SPECC1: variants seen among roughly 807,000 people sequenced by gnomAD.
SPECC1 encodes cytospin-B.
SPECC1 carries 62 observed loss-of-function variants against 104.1 expected under a neutral mutation model. That is an observed-to-expected ratio of 0.60 (90% CI 0.49 to 0.74). The LOEUF (loss-of-function observed/expected upper bound fraction) is 0.74. Among genes scored for constraint, SPECC1 ranks in the 30% least tolerant of loss-of-function variants. The pLI is 0.00. For missense variants in SPECC1, 1,306 were observed against 1,310.5 expected (o/e 1.00, Z 0.05); for synonymous variants, 513 against 501.6 (o/e 1.02, Z -0.30).
chr17:20,045,025 C>G (rs2045483501), intron 1 of SPECC1, among the ~76,000 whole-genome samples: 1 of 152,186 alleles, frequency 6.6e-6, no homozygotes, highest in Non-Finnish European at 1.5e-5. Flanking sequence ...CCTGAATTTT[C>G]TTTTTCCAAA....
chr17:20,098,303 C>T (rs1320488640), intron 2 of SPECC1, among the ~76,000 whole-genome samples: 1 of 152,198 alleles, frequency 6.6e-6, no homozygotes, highest in East Asian at 1.9e-4. Flanking sequence ...TCTCATGTCT[C>T]ACAGTCCATC....
At chr17:20,296,835 A>T in intron 12 of SPECC1, 126 bp from the exon 13 acceptor site, 1 of 811,542 alleles carries the variant, frequency 1.2e-6, no homozygotes, top group Non-Finnish European at 2.0e-6. Context: ...TTATTGGTGT[A>T]TAGGAATGCT....
At chr17:20,014,969 G>A (rs2044063990) in intron 1 of SPECC1, among the ~76,000 whole-genome samples, 1 of 152,150 alleles carries the variant, frequency 6.6e-6, no homozygotes, top group Non-Finnish European at 1.5e-5. Context: ...TGGCCTGACT[G>A]ATCTCAAACT....
intron 4 of SPECC1, among the ~76,000 whole-genome samples, chr17:20,208,692 A>G (rs575344881): frequency 6.6e-6 from 1 of 152,342 alleles, no homozygotes; most frequent in South Asian, 2.1e-4. Context: ...CTGGTCTCGT[A>G]TCTAATTCCA....
intron 1 of SPECC1, among the ~76,000 whole-genome samples, chr17:20,021,396 G>A (rs751319710): frequency 6.6e-6 from 1 of 151,914 alleles, no homozygotes; most frequent in Non-Finnish European, 1.5e-5. Context: ...GGTGATTCTG[G>A]TCTTAATATC....
intron 1 of SPECC1, among the ~76,000 whole-genome samples, chr17:20,084,388 C>CGT (rs2047098214): frequency 6.6e-6 from 1 of 152,028 alleles, no homozygotes; most frequent in Non-Finnish European, 1.5e-5. Context: ...GAGACTGTGC[C>CGT]GTTGCCATTG....
intron 1 of SPECC1, among the ~76,000 whole-genome samples, chr17:20,086,211 C>T (rs2047170390): frequency 6.6e-6 from 1 of 152,042 alleles, no homozygotes; most frequent in South Asian, 2.1e-4. Context: ...GTCTTCAGCA[C>T]GCCCCAGAAG....
At chr17:20,218,115 G>A (rs2037623798) in intron 4 of SPECC1, among the ~76,000 whole-genome samples, 1 of 152,208 alleles carries the variant, frequency 6.6e-6, no homozygotes, top group East Asian at 1.9e-4. Context: ...GGTCTTTCAT[G>A]TATTGTGATT....
In SPECC1 at chr17:20,205,097, T is replaced by C. The variant is rs1350974459; in HGVS notation, c.1048T>C (p.Phe350Leu). ...SRPLSSTSNP[F>L]KSSKCSTAGS... The stretch of plus-strand genomic sequence containing the variant: ...GCCCCTGTCCTCCACCAGTAACCCC[T>C]TTAAGAGTTCAAAGTGTTCTACTGC... The change falls in exon 4 of 15, where the codon TTT becomes CTT. Residue 350 changes from phenylalanine to leucine, a missense_variant. Around this residue, in one of 2 missense-constraint regions of SPECC1, gnomAD observed 1,177 missense variants for 1,139.9 expected, o/e 1.03. Transcript: ENST00000395527. The C allele has an allele frequency of 1.2e-6, 2 of 1,614,138 alleles. No individual in the cohort carries two copies. The highest frequency in any genetic ancestry group is 3.3e-5 in the Admixed American group (2 of 60,014).
At chr17:20,303,047 G>T (rs1403826357) in intron 13 of SPECC1, among the ~76,000 whole-genome samples, 1 of 151,992 alleles carries the variant, frequency 6.6e-6, no homozygotes, top group African/African-American at 2.4e-5. Flanking sequence ...TGATACATTT[G>T]GCAGAGACAG....
At chr17:20,107,144 C>CAAAAAAAAAAAAAAAAAAA (rs531912350) in intron 2 of SPECC1, among the ~76,000 whole-genome samples, 61 of 68,174 alleles carry the variant, frequency 8.9e-4, no homozygotes, top group African/African-American at 9.9e-4. Context: ...ACTCGTGTCT[C>CAAAAAAAAAAAAAAAAAAA]AAAAAAAAAA....
At chr17:20,167,043 G>C (rs2033711276) in intron 3 of SPECC1, among the ~76,000 whole-genome samples, 1 of 151,460 alleles carries the variant, frequency 6.6e-6, no homozygotes, top group Admixed American at 6.6e-5. Context: ...TATGTTCTTT[G>C]TTAAACAAAT....
chr17:20,196,153 C>T (rs549217392), intron 3 of SPECC1, among the ~76,000 whole-genome samples: 71 of 152,308 alleles, frequency 4.7e-4, no homozygotes, highest in Non-Finnish European at 8.2e-4. Context: ...AGGCAAAAAA[C>T]CCATATTCCC....
intron 3 of SPECC1, among the ~76,000 whole-genome samples, chr17:20,129,668 A>C (rs2049505833): frequency 6.6e-6 from 1 of 152,206 alleles, no homozygotes; most frequent in Non-Finnish European, 1.5e-5. Context: ...CCAACTTGCT[A>C]ATTTTCCCTT....
chr17:20,133,994 G>T (rs1290535949), intron 3 of SPECC1, among the ~76,000 whole-genome samples: 1 of 151,778 alleles, frequency 6.6e-6, no homozygotes, highest in African/African-American at 2.4e-5. Flanking sequence ...GATGGTTAGG[G>T]TTACAAGATT....
intron 3 of SPECC1, among the ~76,000 whole-genome samples, chr17:20,154,043 T>C (rs1481140222): frequency 1.3e-5 from 2 of 152,270 alleles, no homozygotes; most frequent in African/African-American, 4.8e-5. Flanking sequence ...ACGCTAGTTT[T>C]GTGGCAGAAA....
chr17:20,168,655 TA>T (rs1160779126), intron 3 of SPECC1, among the ~76,000 whole-genome samples: 1 of 152,178 alleles, frequency 6.6e-6, no homozygotes, highest in African/African-American at 2.4e-5. Context: ...TTGTAGATAC[TA>T]GAATTCTCTT....
At chr17:20,101,166 G>A (rs1409635398) in intron 2 of SPECC1, among the ~76,000 whole-genome samples, 4 of 152,090 alleles carry the variant, frequency 2.6e-5, no homozygotes, top group East Asian at 1.9e-4. Flanking sequence ...TTTATATTCC[G>A]TTGGGTATAT....
At chr17:20,286,400 T>G (rs998757224) in intron 12 of SPECC1, among the ~76,000 whole-genome samples, 3 of 152,210 alleles carry the variant, frequency 2.0e-5, no homozygotes, top group African/African-American at 7.2e-5. Context: ...GGAAAAGACC[T>G]TACCATACTA....
Sources: allele counts gnomAD v4.1 joint callset (sites outside exome capture counted in the v4.1 genomes callset), GRCh38; gene constraint gnomAD v4.1.1; regional missense constraint gnomAD v4.1.1; transcripts MANE v1.5; gene names NCBI Gene and HGNC (gene_info 2026-07-23, HGNC 2026-07-21).